The following BMERB1 variants were observed in gnomAD, a reference collection of about 807,000 sequenced individuals.
BMERB1 encodes bMERB domain containing 1, also known as bMERB domain-containing protein 1.
BMERB1 carries 12 observed loss-of-function variants against 23.6 expected under a neutral mutation model. That is an observed-to-expected ratio of 0.51 (90% confidence interval 0.33 to 0.82). BMERB1 has a LOEUF of 0.82. BMERB1 is among the 40% of genes least tolerant of loss of function. The pLI is 0.03. For synonymous variants in BMERB1, 122 were observed against 96.6 expected (o/e 1.26, Z -1.54); for missense variants, 247 against 255.4 (o/e 0.97, Z 0.22).
chr16:15,575,648 G>C (rs1389991013), intron 3 of BMERB1, among the ~76,000 whole-genome samples: 1 of 152,120 alleles, frequency 6.6e-6, no homozygotes, highest in Non-Finnish European at 1.5e-5. Context: ...GAAAATGAAA[G>C]TACACTCCAT....
At chr16:15,460,826 A>G (rs2051127794) in intron 1 of BMERB1, among the ~76,000 whole-genome samples, 2 of 152,196 alleles carry the variant, frequency 1.3e-5, no homozygotes, top group Admixed American at 1.3e-4. Context: ...GTGCTTTATC[A>G]GAGGAAAAAA....
intron 1 of BMERB1, among the ~76,000 whole-genome samples, chr16:15,468,709 A>G (rs532040118): frequency 9.1e-4 from 138 of 152,094 alleles, no homozygotes; most frequent in African/African-American, 2.6e-3. Context: ...TAATTTATCA[A>G]TTTTCCCTTT....
intron 1 of BMERB1, among the ~76,000 whole-genome samples, chr16:15,459,801 G>A (rs1298154509): frequency 6.6e-6 from 1 of 152,164 alleles, no homozygotes; most frequent in Non-Finnish European, 1.5e-5. Flanking sequence ...AGAAATCACA[G>A]TAGCACTAAC....
In BMERB1 at chr16:15,448,189, C is replaced by T. The variant is rs750306287; in HGVS notation, c.106+13430C>T. On this transcript the variant is annotated intron_variant, in intron 1 of 5. Coordinates refer to ENST00000300006, the MANE Select transcript of BMERB1 (RefSeq NM_033201.3). Reference sequence around the variant, plus strand: ...ACAGACATGAGCCACTGCGCCTGGCCGGAAGTAGCATTTTAGGAAGGCTTG... The same window carrying T: ...ACAGACATGAGCCACTGCGCCTGGCTGGAAGTAGCATTTTAGGAAGGCTTG... 3.2e-4 allele frequency among the ~76,000 whole-genome samples: 49 copies of T among 152,148 alleles called. 1 individual carries two copies. Among genetic ancestry groups the T allele is most frequent in the African/African-American group, 1.0e-3 (43 of 41,510 alleles).
At chr16:15,581,949 G>T (rs746870453) in intron 4 of BMERB1, among the ~76,000 whole-genome samples, 3 of 152,188 alleles carry the variant, frequency 2.0e-5, no homozygotes, top group Admixed American at 1.3e-4. Context: ...AAGGAAAAAG[G>T]CCCTTCCAAC....
intron 1 of BMERB1, among the ~76,000 whole-genome samples, chr16:15,454,874 G>C (rs571805999): frequency 2.7e-4 from 41 of 152,190 alleles, no homozygotes; most frequent in African/African-American, 9.4e-4. Context: ...TCAATGCTCA[G>C]TAAGTTCCAC....
chr16:15,512,449 G>A (rs1393096248), intron 1 of BMERB1, among the ~76,000 whole-genome samples: 2 of 152,246 alleles, frequency 1.3e-5, no homozygotes, highest in African/African-American at 2.4e-5. Flanking sequence ...GGTAGAAACA[G>A]GACAACTTTC....
intron 2 of BMERB1, among the ~76,000 whole-genome samples, chr16:15,562,491 T>C (rs145243571): frequency 2.0e-5 from 3 of 152,084 alleles, no homozygotes; most frequent in African/African-American, 7.2e-5. Context: ...AAATTATCAA[T>C]AATTTGATAA....
chr16:15,537,269 A>G (rs149254962), intron 2 of BMERB1, among the ~76,000 whole-genome samples: 98 of 152,304 alleles, frequency 6.4e-4, no homozygotes, highest in African/African-American at 2.1e-3. Context: ...CTAAAAACCA[A>G]CACAGGGTCT....
chr16:15,556,569 CTTATTTATTTATTT>C (rs1467463981), intron 2 of BMERB1, among the ~76,000 whole-genome samples: 4 of 152,026 alleles, frequency 2.6e-5, no homozygotes, highest in Non-Finnish European at 5.9e-5. Flanking sequence ...AACCCCTCAT[CTTATTTATTTATTT>C]TTATTTATTT....
chr16:15,529,672 T>C (rs1277418474), intron 2 of BMERB1, among the ~76,000 whole-genome samples: 1 of 151,958 alleles, frequency 6.6e-6, no homozygotes, highest in Non-Finnish European at 1.5e-5. Flanking sequence ...TGAGTGAAGA[T>C]TGATTGAATG....
intron 2 of BMERB1, among the ~76,000 whole-genome samples, chr16:15,554,815 C>T (rs1170947104): frequency 1.3e-5 from 2 of 151,770 alleles, no homozygotes; most frequent in South Asian, 4.2e-4. Flanking sequence ...TACAGGTGCC[C>T]GCCACCACGC....
intron 3 of BMERB1, chr16:15,577,158 G>T (rs2030886564): frequency 6.6e-6 from 1 of 152,082 alleles, no homozygotes; most frequent in East Asian, 1.9e-4. Flanking sequence ...AGGGAGCGTG[G>T]AGCCGCCATT....
intron 3 of BMERB1, 56 bp from the exon 4 acceptor site, chr16:15,581,161 C>G: frequency 1.5e-6 from 2 of 1,339,556 alleles, no homozygotes; most frequent in Non-Finnish European, 2.1e-6. Context: ...AAGTGATCCG[C>G]CCACCTCAGC....
At chr16:15,491,415 G>A (rs779555477) in intron 1 of BMERB1, among the ~76,000 whole-genome samples, 1 of 149,788 alleles carries the variant, frequency 6.7e-6, no homozygotes, top group Admixed American at 6.6e-5. Flanking sequence ...GTGCAATGGT[G>A]AGATCTTGGC....
At position 15,502,278 on chromosome 16, in the gene BMERB1, C is replaced by T. The variant is rs757769117; in HGVS notation, c.107-13027C>T. 2.4e-5 allele frequency: 37 copies of T among 1,550,822 alleles called. 1 individual carries two copies. In the Admixed American group the frequency reaches 5.3e-4, roughly 22 times the overall value. On this transcript the variant is annotated intron_variant, in intron 1 of 5. Coordinates refer to ENST00000300006, the MANE Select transcript of BMERB1 (RefSeq NM_033201.3). ...TGCCACTGGAGAATAACAATCATAGCCAGGATGTGAAGCCTGTCAGTTTCC... is the reference window on the plus strand; with the variant it reads ...TGCCACTGGAGAATAACAATCATAGTCAGGATGTGAAGCCTGTCAGTTTCC...
At chr16:15,480,177 A>G (rs1188573906) in intron 1 of BMERB1, among the ~76,000 whole-genome samples, 1 of 150,644 alleles carries the variant, frequency 6.6e-6, no homozygotes, top group Non-Finnish European at 1.5e-5. Flanking sequence ...CAGTGACACG[A>G]TCTCGGCTCA....
chr16:15,498,902 C>A (rs984596331), intron 1 of BMERB1, among the ~76,000 whole-genome samples: 1 of 152,208 alleles, frequency 6.6e-6, no homozygotes, highest in Non-Finnish European at 1.5e-5. Context: ...GCCCCCAGCA[C>A]AAAGAAGCGT....
chr16:15,452,683 A>C (rs1432079163), intron 1 of BMERB1, among the ~76,000 whole-genome samples: 1 of 152,196 alleles, frequency 6.6e-6, no homozygotes, highest in African/African-American at 2.4e-5. Context: ...CAGCTTTGCA[A>C]CTGCTGCTCG....
Sources: allele counts gnomAD v4.1 joint callset (sites outside exome capture counted in the v4.1 genomes callset), GRCh38; gene constraint gnomAD v4.1.1; transcripts MANE v1.5; gene names NCBI Gene and HGNC (gene_info 2026-07-23, HGNC 2026-07-21).